The following POU5F1 variants were observed in gnomAD, a reference collection of about 807,000 sequenced individuals.
POU5F1 encodes POU domain, class 5, transcription factor 1.
A neutral mutation model predicts 38.3 loss-of-function variants in POU5F1; 6 were observed. That is an observed-to-expected ratio of 0.16 (90% CI 0.09 to 0.31). The LOEUF (loss-of-function observed/expected upper bound fraction) is 0.31. POU5F1 is among the 10% of genes least tolerant of loss of function. The pLI is 1.00. For synonymous variants in POU5F1, 147 were observed against 194.9 expected (o/e 0.75, Z 2.05); for missense variants, 286 against 462.6 (o/e 0.62, Z 3.50).
chr6:31,170,202 C>T lies in POU5F1; in HGVS notation c.405+14G>A, dbSNP rs117955983. On this transcript the variant is annotated intron_variant, in intron 1 of 4. Transcript: ENST00000259915. ...CCACCTCCCCACACCCCAACCCCGT[C>T]GAAGCTCACTTGCCTCCTCCGGGTT... 12,691 of 1,612,848 alleles carry T rather than the reference C, an allele frequency of 7.9e-3. 391 individuals are homozygous for T. The East Asian group carries it at 0.11, about 13-fold the overall frequency.
rs1582028605 is a variant in POU5F1, at chr6:31,165,013, T to C, written c.816+115A>G. The C allele has an allele frequency of 6.4e-7, 1 of 1,550,762 alleles. No individual in the cohort carries two copies. Among genetic ancestry groups the C allele is most frequent in the East Asian group, 2.4e-5 (1 of 41,038 alleles). ...AATGAGCTGAGACAGGCCTGACTGC[T>C]TGGACATTCTGTCCAAAGCCAACAG... On this transcript the variant is annotated intron_variant, in intron 4 of 4. Coordinates refer to ENST00000259915, the MANE Select transcript of POU5F1 (RefSeq NM_002701.6). This position sits in a 1 kb window ranked among gnomAD's most constrained non-coding sequence, Gnocchi z 6.5.
intron 1 of POU5F1, chr6:31,169,796 T>G: frequency 8.5e-6 from 2 of 234,728 alleles, no homozygotes; most frequent in Non-Finnish European, 1.7e-5. Flanking sequence ...TTGGGTCTGA[T>G]AAGGGTCAAA....
At chr6:31,169,616 G>C (rs978109926) in intron 1 of POU5F1, among the ~76,000 whole-genome samples, 14 of 152,062 alleles carry the variant, frequency 9.2e-5, no homozygotes, top group Non-Finnish European at 2.1e-4. Flanking sequence ...ATCCGGGGAA[G>C]ACAAGCCCTA....
chr6:31,170,195 A>G (rs374207505), intron 1 of POU5F1, 21 bp downstream of exon 1: 2 of 1,612,078 alleles, frequency 1.2e-6, no homozygotes, highest in Non-Finnish European at 1.7e-6. Flanking sequence ...CCACACCCCA[A>G]CCCCGTCGAA....
intron 1 of POU5F1, 74 bp from the exon 2 acceptor site, chr6:31,166,121 T>C: frequency 1.2e-6 from 2 of 1,614,174 alleles, no homozygotes; most frequent in East Asian, 2.2e-5. Flanking sequence ...CCATTCGGGA[T>C]TCAAGAACCT....
chr6:31,165,826 C>T lies in POU5F1; in HGVS notation c.526+101G>A. On this transcript the variant is annotated intron_variant, in intron 2 of 4. Coordinates refer to ENST00000259915, the MANE Select transcript of POU5F1 (RefSeq NM_002701.6). This position sits in a 1 kb window ranked among gnomAD's most constrained non-coding sequence, Gnocchi z 6.5. ...AAGCATCTTCTCCCTCTCCCTACTC[C>T]TCTTCATGGGTGAGGGTAGTCTGCC... The T allele has an allele frequency of 6.5e-7, 1 of 1,532,412 alleles. No individual in the cohort carries two copies. The highest frequency in any genetic ancestry group is 8.8e-7 in the Non-Finnish European group (1 of 1,142,198). The allele number at this position is 1,532,412 out of a possible 1,614,324, so 94.9% of individuals were successfully genotyped here.
intron 1 of POU5F1, chr6:31,166,634 G>C: frequency 8.7e-7 from 1 of 1,143,408 alleles, no homozygotes; most frequent in Non-Finnish European, 1.1e-6. Context: ...ACTCCAGCCT[G>C]GGTGACAGAG....
At chr6:31,166,072 T>C (rs772698923) in intron 1 of POU5F1, 25 bp from the exon 2 acceptor site, 38 of 1,614,116 alleles carry the variant, frequency 2.4e-5, no homozygotes, top group Admixed American at 3.3e-5. Flanking sequence ...GCAGAAGACT[T>C]GTAAGAACAT....
intron 1 of POU5F1, chr6:31,166,732 A>G: frequency 8.5e-7 from 1 of 1,180,392 alleles, no homozygotes; most frequent in Non-Finnish European, 1.1e-6. Flanking sequence ...CCCCCAGTTT[A>G]AGGATGTTTT....
chr6:31,169,382 G>A lies in POU5F1; in HGVS notation c.405+834C>T, dbSNP rs199554273. 1.2e-4 allele frequency among the ~76,000 whole-genome samples: 19 copies of A among 152,238 alleles called. No homozygotes were observed. The East Asian group carries it at 3.3e-3, about 26-fold the overall frequency. ...TAATCTCTAATTGCTTACACTTGTC[G>A]CCTTGAAGGACTGGAAGATACATCT... On this transcript the variant is annotated intron_variant, in intron 1 of 4. Coordinates refer to ENST00000259915, the MANE Select transcript of POU5F1 (RefSeq NM_002701.6).
At chr6:31,166,980 G>GT (rs2151107559) in intron 1 of POU5F1, 1 of 929,776 alleles carries the variant, frequency 1.1e-6, no homozygotes, top group South Asian at 1.4e-5. Flanking sequence ...CATCTTTACT[G>GT]TATCTTTTTC....
rs1289491187 is a variant in POU5F1 at position 31,170,274 on chromosome 6, G to C, written c.347C>G (p.Thr116Ser). 3 of 1,612,778 alleles carry C rather than the reference G, an allele frequency of 1.9e-6. No individual in the cohort carries two copies. Among genetic ancestry groups the C allele is most frequent in the Non-Finnish European group, 2.5e-6 (3 of 1,179,848 alleles). ...CAGCTTCACGGCACCAGGGGTGACG[G>C]TGCAGGGCTCCGGGGAGGCCCCATC... ...NSDGASPEPC[T>S]VTPGAVKLEK... The change falls in exon 1 of 5, where the codon ACC becomes AGC. Residue 116 changes from threonine to serine, a missense_variant. Thr to Ser is a moderately conservative substitution (Grantham distance 58). Coordinates refer to ENST00000259915, the MANE Select transcript of POU5F1 (RefSeq NM_002701.6).
In POU5F1 at chr6:31,165,200, C is replaced by T; in HGVS notation, c.744G>A (p.Leu248=). Residue 248 remains leucine (L), a synonymous_variant, in exon 4 of 5, where the codon TTG becomes TTA. Coordinates refer to ENST00000259915, the MANE Select transcript of POU5F1 (RefSeq NM_002701.6). The surrounding 1 kb of genome is among the most constrained non-coding windows in gnomAD (Gnocchi z 6.5). ...GTGTGGGTTTCGGGCACTGCAGGAA[C>T]AAATTCTCCAGGTTGCCTCTCACTC... ...ENRVRGNLEN[L]FLQCPKPTLQ... 6.2e-7 allele frequency: 1 copy of T among 1,610,234 alleles called. No homozygotes were observed. Among genetic ancestry groups the T allele is most frequent in the Non-Finnish European group, 8.5e-7 (1 of 1,178,644 alleles).
rs200769740 is a variant in POU5F1, at chr6:31,170,534, C to A, written c.87G>T (p.Trp29Cys). 1.3e-4 allele frequency: 198 copies of A among 1,581,614 alleles called. 1 individual carries two copies. The highest frequency in any genetic ancestry group is 1.5e-4 in the Non-Finnish European group (179 of 1,164,596). The change falls in exon 1 of 5, where the codon TGG (tryptophan) becomes TGT (cysteine). Residue 29 changes from tryptophan (W) to cysteine (C), a missense_variant. Trp to Cys is a radical substitution (Grantham distance 215, BLOSUM62 -2). Coordinates refer to ENST00000259915, the MANE Select transcript of POU5F1 (RefSeq NM_002701.6). ...GDGPGGPEPG[W>C]VDPRTWLSFQ... ...AGCTTAGCCAGGTCCGAGGATCAACCCAGCCCGGCTCCGGCCCCCCTGGCC... is the reference window on the plus strand; with the variant it reads ...AGCTTAGCCAGGTCCGAGGATCAACACAGCCCGGCTCCGGCCCCCCTGGCC...
chr6:31,170,074 A>G, intron 1 of POU5F1, 142 bp downstream of exon 1: 7 of 1,370,724 alleles, frequency 5.1e-6, no homozygotes, highest in Non-Finnish European at 7.0e-6. Flanking sequence ...GTTGATACAC[A>G]CCCCTCCCTG....
At position 31,165,185 on chromosome 6, in the gene POU5F1, C is replaced by T. The variant is rs764939136; in HGVS notation, c.759G>A (p.Pro253=). Residue 253 remains proline, a synonymous_variant, in exon 4 of 5, where the codon CCG becomes CCA. Coordinates refer to ENST00000259915, the MANE Select transcript of POU5F1 (RefSeq NM_002701.6). This position sits in a 1 kb window ranked among gnomAD's most constrained non-coding sequence, Gnocchi z 6.5. The part of the protein sequence containing the change: ...GNLENLFLQC[P]KPTLQQISHI... ...GGCTGATCTGCTGCAGTGTGGGTTT[C>T]GGGCACTGCAGGAACAAATTCTCCA... 12 of 1,609,018 alleles carry T rather than the reference C, an allele frequency of 7.5e-6. No individual in the cohort carries two copies. Among genetic ancestry groups the T allele is most frequent in the East Asian group, 2.2e-5 (1 of 44,766 alleles).
At position 31,169,111 on chromosome 6, in the gene POU5F1, G is replaced by A. The variant is rs144498012; in HGVS notation, c.405+1105C>T. On this transcript the variant is annotated intron_variant, in intron 1 of 4. Transcript: ENST00000259915. ...GGAATAAACACTGGTCCAAATCCTCGCTTCATCATTTAGCAGTTAAAACCC... is the reference window on the plus strand; with the variant it reads ...GGAATAAACACTGGTCCAAATCCTCACTTCATCATTTAGCAGTTAAAACCC... 1.1e-4 allele frequency among the ~76,000 whole-genome samples: 16 copies of A among 152,202 alleles called. No individual in the cohort carries two copies. The East Asian group carries it at 2.7e-3, about 26-fold the overall frequency.
intron 1 of POU5F1, among the ~76,000 whole-genome samples, chr6:31,168,327 C>T (rs1374535300): frequency 6.6e-6 from 1 of 151,722 alleles, no homozygotes; most frequent in African/African-American, 2.4e-5. Flanking sequence ...CCTCCATCTC[C>T]CAGGTTCAAG....
In POU5F1 at chr6:31,165,514, C is replaced by T; in HGVS notation, c.657+57G>A. On this transcript the variant is annotated intron_variant, in intron 3 of 4. Transcript: ENST00000259915. The surrounding 1 kb of genome is among the most constrained non-coding windows in gnomAD (Gnocchi z 6.5). ...GAGAGCTACGAGCCAGTGATGGAAG[C>T]AATGGAAATTAGGCCAAGAAAGGGA... The T allele has an allele frequency of 6.2e-7, 1 of 1,610,880 alleles. No individual in the cohort carries two copies. Among genetic ancestry groups the T allele is most frequent in the Non-Finnish European group, 8.5e-7 (1 of 1,179,346 alleles).
Sources: gnomAD v4.1 joint callset for allele counts (sites outside exome capture counted in the v4.1 genomes callset) on GRCh38, gnomAD v4.1.1 for gene constraint, Gnocchi (gnomAD v3.1) non-coding constraint, MANE v1.5 for transcripts, NCBI Gene and HGNC (gene_info 2026-07-23, HGNC 2026-07-21) for gene names.